SRA1: variants seen among roughly 807,000 people sequenced by gnomAD.
SRA1 encodes lncRNA SRA.
In SRA1, 25 loss-of-function variants were observed where a neutral mutation model predicts 24.3. The ratio of observed to expected loss-of-function variants is 1.03; its 90% confidence interval spans 0.75 to 1.43. The LOEUF (loss-of-function observed/expected upper bound fraction) is 1.43, where lower values mean the gene tolerates loss of function less well. Among genes scored for constraint, SRA1 ranks in the 40% most tolerant of loss-of-function variants. The pLI, the probability that SRA1 is intolerant of heterozygous loss-of-function variation, is 0.00. For synonymous variants in SRA1, 104 were observed against 109.5 expected (o/e 0.95, Z 0.31); for missense variants, 303 against 286.6 (o/e 1.06, Z -0.41).
chr5:140,552,051 A>T lies in SRA1; in HGVS notation c.285T>A (p.Ser95=), dbSNP rs761199812. The change falls in exon 3 of 5, where the codon TCT becomes TCA. Residue 95 remains serine, a synonymous_variant. Transcript: ENST00000336283. ...GVEPTSFPVE[S]EAVMEDVLRP... ...TCAGCACATCCTCCATCACAGCCTC[A>T]GACTCGACTGGGAAACTTGTGGGCT... 1 of 1,519,722 alleles carries T rather than the reference A, an allele frequency of 6.6e-7. No homozygotes were observed. Among genetic ancestry groups the T allele is most frequent in the Non-Finnish European group, 9.1e-7 (1 of 1,103,734 alleles). The allele number at this position is 1,519,722 out of a possible 1,614,324, so 94.1% of individuals were successfully genotyped here.
At chr5:140,551,327 T>C in intron 3 of SRA1, 158 bp from the exon 4 acceptor site, 3 of 590,390 alleles carry the variant, frequency 5.1e-6, no homozygotes, top group Non-Finnish European at 9.0e-6. Context: ...GAGAAACTGA[T>C]GAAACCTTCC....
At position 140,550,890 on chromosome 5, in the gene SRA1, T is replaced by A; in HGVS notation, c.485A>T (p.Asp162Val). ...GGAGCGGTGGATGTCATCTGCTGCGTCCCACCGGTGGCTTGAAAGCTCTGA... is the reference window on the plus strand; with the variant it reads ...GGAGCGGTGGATGTCATCTGCTGCGACCCACCGGTGGCTTGAAAGCTCTGA... Reference protein sequence around the residue: ...LVQELSSHRWDAADDIHRSLM... With the variant: ...LVQELSSHRWVAADDIHRSLM... The change falls in exon 5 of 5, where the codon GAC (aspartate) becomes GTC (valine). Residue 162 changes from aspartate (D) to valine (V), a missense_variant. Asp to Val is a radical substitution (Grantham distance 152, BLOSUM62 -3). Coordinates refer to ENST00000336283, the MANE Select transcript of SRA1 (RefSeq NM_001035235.4). The A allele has an allele frequency of 2.5e-6, 4 of 1,614,044 alleles. No homozygotes were observed. The highest frequency in any genetic ancestry group is 3.4e-6 in the Non-Finnish European group (4 of 1,180,006).
rs967778697 is a variant in SRA1 at position 140,550,275 on chromosome 5, A to G, written c.*425T>C. Reference sequence around the variant, plus strand: ...CCCCGTTCTATTTGAGTCTGTTCTCATGCTGAAATGAAACCATCCAAACAC... The same window carrying G: ...CCCCGTTCTATTTGAGTCTGTTCTCGTGCTGAAATGAAACCATCCAAACAC... On this transcript the variant is annotated 3_prime_UTR_variant, in exon 5 of 5. Transcript: ENST00000336283. 7 of 223,608 alleles carry G rather than the reference A, an allele frequency of 3.1e-5. No homozygotes were observed. The highest frequency in any genetic ancestry group is 3.1e-4 in the Admixed American group (6 of 19,248). 13.9% of individuals were successfully genotyped at this position (223,608 alleles called of 1,614,324 possible). A position where few individuals can be genotyped will look rare whatever the true frequency, so the allele number is the denominator to read the frequency against.
chr5:140,557,479 A>C, upstream of SRA1: 1 of 1,550,180 alleles, frequency 6.5e-7, no homozygotes, highest in Non-Finnish European at 8.7e-7. Context: ...CCAGCGGGGC[A>C]GCGCGTCATT....
At position 140,550,449 on chromosome 5, in the gene SRA1, G is replaced by A. The variant is rs1403495285; in HGVS notation, c.*251C>T. The A allele has an allele frequency of 1.8e-6, 1 of 556,668 alleles. No individual in the cohort carries two copies. The highest frequency in any genetic ancestry group is 3.2e-6 in the Non-Finnish European group (1 of 310,574). 34.5% of individuals were successfully genotyped at this position (556,668 alleles called of 1,614,324 possible). On this transcript the variant is annotated 3_prime_UTR_variant, in exon 5 of 5. Coordinates refer to ENST00000336283, the MANE Select transcript of SRA1 (RefSeq NM_001035235.4). ...GATACACAGGGAGCAGGGCAGTCGA[G>A]GACACCAGAGGGGACTAGCTTGGCA... is the stretch of plus-strand genomic sequence containing the variant.
chr5:140,557,421 C>T lies in SRA1; in HGVS notation c.25+7G>A. The stretch of plus-strand genomic sequence containing the variant: ...ACCTAGTGCCCTAGCCCGCCGGCTG[C>T]GCTCACCCGGCTTCACGTACAGCTC... On this transcript the variant is annotated splice_region_variant and intron_variant, in intron 1 of 4. Transcript: ENST00000336283. The T allele has an allele frequency of 1.3e-6, 2 of 1,576,760 alleles. No individual in the cohort carries two copies.
chr5:140,551,970 G>GC lies in SRA1; in HGVS notation c.354+11dup. The GC allele has an allele frequency of 1.2e-6, 2 of 1,612,022 alleles. No homozygotes were observed. Among genetic ancestry groups the GC allele is most frequent in the Non-Finnish European group, 1.7e-6 (2 of 1,178,440 alleles). ...GGGAGCCCTCTCTAACCTCTGATGT[G>GC]CCAGAGCTTACCCTTGTGTGGCCAC... On this transcript the variant is annotated intron_variant, in intron 3 of 4. Coordinates refer to ENST00000336283, the MANE Select transcript of SRA1 (RefSeq NM_001035235.4).
At chr5:140,554,919 C>T (rs1006362404) in intron 2 of SRA1, among the ~76,000 whole-genome samples, 11 of 151,802 alleles carry the variant, frequency 7.2e-5, no homozygotes, top group Non-Finnish European at 1.0e-4. Flanking sequence ...GAGATGGAGT[C>T]CCAGGCTGGA....
At position 140,551,265 on chromosome 5, in the gene SRA1, T is replaced by G. The variant is rs184751667; in HGVS notation, c.355-96A>C. 155 of 877,016 alleles carry G rather than the reference T, an allele frequency of 1.8e-4. 1 individual carries two copies. In the East Asian group the frequency reaches 2.4e-3, roughly 14 times the overall value. The allele number at this position is 877,016 out of a possible 1,614,324, so 54.3% of individuals were successfully genotyped here. A position where few individuals can be genotyped will look rare whatever the true frequency, so the allele number is the denominator to read the frequency against. ...CCACATAGGAAGCACCTGCTTTCTCTGGCCCACACTTTAGAATTCTGGTTC... is the reference window on the plus strand; with the variant it reads ...CCACATAGGAAGCACCTGCTTTCTCGGGCCCACACTTTAGAATTCTGGTTC... On this transcript the variant is annotated intron_variant, in intron 3 of 4. Coordinates refer to ENST00000336283, the MANE Select transcript of SRA1 (RefSeq NM_001035235.4).
Position 140,550,504 on chromosome 5 carries a change from C to G in SRA1, c.*196G>C. On this transcript the variant is annotated 3_prime_UTR_variant, in exon 5 of 5. Coordinates refer to ENST00000336283, the MANE Select transcript of SRA1 (RefSeq NM_001035235.4). ...AAGGGTTCATCTCTCCTACCCAAGGCCCACCGCAGAGATGTTTTTATTGAA... is the reference window on the plus strand; with the variant it reads ...AAGGGTTCATCTCTCCTACCCAAGGGCCACCGCAGAGATGTTTTTATTGAA... 1.6e-6 allele frequency: 1 copy of G among 614,090 alleles called. No homozygotes were observed. Among genetic ancestry groups the G allele is most frequent in the Non-Finnish European group, 2.9e-6 (1 of 345,356 alleles). The allele number at this position is 614,090 out of a possible 1,614,324, so 38.0% of individuals were successfully genotyped here. A position where few individuals can be genotyped will look rare whatever the true frequency, so the allele number is the denominator to read the frequency against.
upstream of SRA1, chr5:140,557,743 A>G (rs917984621): frequency 2.0e-5 from 11 of 540,042 alleles, no homozygotes; most frequent in Admixed American, 2.9e-4. Context: ...CAAACAAAGA[A>G]GCTCCTGCCC....
intron 2 of SRA1, 135 bp downstream of exon 2, chr5:140,557,012 A>G (rs1349422230): frequency 4.0e-6 from 3 of 744,608 alleles, no homozygotes; most frequent in Non-Finnish European, 6.6e-6. Context: ...CTGCTCTGAG[A>G]CCCTTACTGG....
At chr5:140,557,666 G>A (rs1393049104), upstream of SRA1, 1 of 610,018 alleles carries the variant, frequency 1.6e-6, no homozygotes, top group East Asian at 2.9e-5. Flanking sequence ...CTGGTCACAA[G>A]GCACCAAAGG....
In SRA1 at chr5:140,551,212, A is replaced by C. The variant is rs1754551251; in HGVS notation, c.355-43T>G. Reference sequence around the variant, plus strand: ...CCCTCCAATTCAGTGCTGCCAGCCCAATGAGGGGAGGAGAGGGGAAGACAG... The same window carrying C: ...CCCTCCAATTCAGTGCTGCCAGCCCCATGAGGGGAGGAGAGGGGAAGACAG... On this transcript the variant is annotated intron_variant, in intron 3 of 4. Transcript: ENST00000336283. 6.6e-7 allele frequency: 1 copy of C among 1,512,000 alleles called. No individual in the cohort carries two copies. The highest frequency in any genetic ancestry group is 2.3e-5 in the East Asian group (1 of 44,400). The allele number at this position is 1,512,000 out of a possible 1,614,324, so 93.7% of individuals were successfully genotyped here.
At chr5:140,553,606 T>C (rs576903136) in intron 2 of SRA1, among the ~76,000 whole-genome samples, 6 of 152,294 alleles carry the variant, frequency 3.9e-5, no homozygotes, top group African/African-American at 1.4e-4. Flanking sequence ...AAGAGTTTGA[T>C]CTTGAGTCAA....
At chr5:140,552,209 C>T in intron 2 of SRA1, 25 bp from the exon 3 acceptor site, 13 of 1,521,954 alleles carry the variant, frequency 8.5e-6, no homozygotes, top group Non-Finnish European at 1.2e-5. Context: ...CAGGATCAAG[C>T]AACATGGCTT....
chr5:140,552,459 C>A (rs1274523660), intron 2 of SRA1, among the ~76,000 whole-genome samples: 1 of 152,018 alleles, frequency 6.6e-6, no homozygotes, highest in Non-Finnish European at 1.5e-5. Flanking sequence ...TCAAGACCAG[C>A]CTGGCCAACA....
rs1317774195 is a variant in SRA1 at position 140,551,042 on chromosome 5, C to T, written c.463+19G>A. On this transcript the variant is annotated intron_variant, in intron 4 of 4. Coordinates refer to ENST00000336283, the MANE Select transcript of SRA1 (RefSeq NM_001035235.4). ...CAGCAGGAAAGGGATTTAGGCTATA[C>T]CAAAGAACCCACCCATACCTTGCAC... The T allele has an allele frequency of 6.2e-7, 1 of 1,606,052 alleles. No individual in the cohort carries two copies. The highest frequency in any genetic ancestry group is 1.1e-5 in the South Asian group (1 of 90,938).
chr5:140,554,551 G>A (rs1450826513), intron 2 of SRA1, among the ~76,000 whole-genome samples: 1 of 152,012 alleles, frequency 6.6e-6, no homozygotes, highest in Non-Finnish European at 1.5e-5. Context: ...GCTGTACTCT[G>A]CATCCTAGCC....
Sources: allele counts gnomAD v4.1 joint callset (sites outside exome capture counted in the v4.1 genomes callset), GRCh38; gene constraint gnomAD v4.1.1; transcripts MANE v1.5; gene names NCBI Gene and HGNC (gene_info 2026-07-23, HGNC 2026-07-21).